Variants in VEZT observed in about 807,000 individuals in gnomAD.
VEZT encodes vezatin.
Under a neutral mutation model 79.9 loss-of-function variants are expected in VEZT, and 39 were observed. That is an observed-to-expected ratio of 0.49 (90% CI 0.38 to 0.64). The LOEUF (loss-of-function observed/expected upper bound fraction) is 0.64. VEZT is among the 30% of genes least tolerant of loss of function. The pLI is 0.00. For synonymous variants in VEZT, 325 were observed against 327.6 expected (o/e 0.99, Z 0.09); for missense variants, 837 against 893.1 (o/e 0.94, Z 0.80).
intron 6 of VEZT, among the ~76,000 whole-genome samples, chr12:95,273,957 G>C (rs1310703830): frequency 6.6e-6 from 1 of 152,176 alleles, no homozygotes; most frequent in East Asian, 1.9e-4. Context: ...CTGTAAGGAT[G>C]AGGGCAGAGG....
intron 6 of VEZT, among the ~76,000 whole-genome samples, chr12:95,274,355 A>G (rs1186809927): frequency 2.0e-5 from 3 of 152,110 alleles, no homozygotes; most frequent in Admixed American, 2.0e-4. Context: ...AATCCCAGCT[A>G]CTCGAGAGGC....
At chr12:95,298,276 G>T (rs546887044) in intron 11 of VEZT, among the ~76,000 whole-genome samples, 1 of 152,056 alleles carries the variant, frequency 6.6e-6, no homozygotes, top group South Asian at 2.1e-4. Context: ...TAACACTACA[G>T]ACCCTCACAC....
intron 1 of VEZT, among the ~76,000 whole-genome samples, chr12:95,233,159 A>G (rs2059505603): frequency 6.6e-6 from 1 of 151,534 alleles, no homozygotes; most frequent in Non-Finnish European, 1.5e-5. Context: ...TCATTTACTA[A>G]ATTCTCATGT....
At chr12:95,297,564 CT>C (rs1044731313) in intron 11 of VEZT, among the ~76,000 whole-genome samples, 3 of 152,206 alleles carry the variant, frequency 2.0e-5, no homozygotes, top group Admixed American at 2.0e-4. Context: ...ATTTTCAGTA[CT>C]TTTTTCTTCT....
At position 95,262,088 on chromosome 12, in the gene VEZT, C is replaced by T. The variant is rs149686446; in HGVS notation, c.259-818C>T. Among the ~76,000 whole-genome samples, 9 of 152,344 alleles carry T rather than the reference C, an allele frequency of 5.9e-5. No individual in the cohort carries two copies. The East Asian group carries it at 1.7e-3, about 29-fold the overall frequency. On this transcript the variant is annotated intron_variant, in intron 3 of 11. Transcript: ENST00000436874. Reference sequence around the variant, plus strand: ...CTCCTTTGTCTGGTCAATTTTTGTTCATCCTTTAAAACTTAGCTCAGGCTT... The same window carrying T: ...CTCCTTTGTCTGGTCAATTTTTGTTTATCCTTTAAAACTTAGCTCAGGCTT...
intron 11 of VEZT, among the ~76,000 whole-genome samples, chr12:95,297,581 A>G (rs530460796): frequency 2.7e-4 from 41 of 152,238 alleles, no homozygotes; most frequent in African/African-American, 8.7e-4. Context: ...CTTCTAAGCT[A>G]TCTTGCAAAC....
At chr12:95,254,688 T>G (rs1287050440) in intron 2 of VEZT, among the ~76,000 whole-genome samples, 1 of 152,096 alleles carries the variant, frequency 6.6e-6, no homozygotes, top group Non-Finnish European at 1.5e-5. Context: ...AGAAAACTTG[T>G]TGTATTGTTT....
chr12:95,238,180 C>A, intron 1 of VEZT, among the ~76,000 whole-genome samples: 1 of 152,072 alleles, frequency 6.6e-6, no homozygotes, highest in East Asian at 1.9e-4. Flanking sequence ...AAAGTATGGG[C>A]TTTGGAATCA....
At chr12:95,243,215 A>T (rs192121991) in intron 1 of VEZT, among the ~76,000 whole-genome samples, 4 of 152,020 alleles carry the variant, frequency 2.6e-5, no homozygotes, top group Admixed American at 2.0e-4. Flanking sequence ...CACTACCAAA[A>T]ATACAAAAAG....
chr12:95,233,767 A>G (rs899898258), intron 1 of VEZT, among the ~76,000 whole-genome samples: 4 of 151,882 alleles, frequency 2.6e-5, no homozygotes, highest in Non-Finnish European at 4.4e-5. Flanking sequence ...GTGTATGTGT[A>G]TATATATATA....
chr12:95,297,128 C>A (rs1425922409), intron 11 of VEZT, among the ~76,000 whole-genome samples: 1 of 152,170 alleles, frequency 6.6e-6, no homozygotes, highest in Non-Finnish European at 1.5e-5. Flanking sequence ...AATACAAAAG[C>A]CTTACATTCC....
intron 1 of VEZT, among the ~76,000 whole-genome samples, chr12:95,250,172 G>A (rs1014755502): frequency 2.1e-5 from 3 of 145,586 alleles, no homozygotes; most frequent in Admixed American, 6.8e-5. Context: ...CCATTAACTC[G>A]TCATTTAGCA....
rs796697021 is a variant in VEZT, at chr12:95,236,071, C to T, written c.37-15869C>T. On this transcript the variant is annotated intron_variant, in intron 1 of 11. Coordinates refer to ENST00000436874, the MANE Select transcript of VEZT (RefSeq NM_017599.4). ...CGGCACTTTGGGAGGCCAAGGCAGG[C>T]GGCTGGGAGGTGGAGGTTGTAGCGA... Among the ~76,000 whole-genome samples, 206 of 152,212 alleles carry T rather than the reference C, an allele frequency of 1.4e-3. 1 individual carries two copies. Among genetic ancestry groups the T allele is most frequent in the African/African-American group, 4.7e-3 (195 of 41,540 alleles).
chr12:95,240,066 AAGG>A (rs761489493), intron 1 of VEZT, among the ~76,000 whole-genome samples: 1,904 of 127,586 alleles, frequency 0.015, 60 homozygotes, highest in African/African-American at 0.046. Flanking sequence ...GGAAGGAAGG[AAGG>A]AAGGAAGAAA....
rs372963849 is a variant in VEZT, at chr12:95,240,021, A to AAAGGAAGGAAGGAAGG, written c.37-11879_37-11864dup. The stretch of plus-strand genomic sequence containing the variant: ...GAGACAGAGAGAGAAAGAGAGAAAG[A>AAAGGAAGGAAGGAAGG]AAGGAAGGAAGGAAGGAAGGAAGGA... On this transcript the variant is annotated intron_variant, in intron 1 of 11. Transcript: ENST00000436874. Among the ~76,000 whole-genome samples the AAAGGAAGGAAGGAAGG allele has an allele frequency of 1.4e-3, 116 of 81,450 alleles. 1 individual carries two copies. The highest frequency in any genetic ancestry group is 6.9e-3 in the South Asian group (16 of 2,328). 53.4% of individuals were successfully genotyped at this position (81,450 alleles called of 152,430 possible).
chr12:95,267,056 C>T (rs929004880), intron 5 of VEZT, among the ~76,000 whole-genome samples: 1 of 152,148 alleles, frequency 6.6e-6, no homozygotes, highest in African/African-American at 2.4e-5. Flanking sequence ...GTACTAATAA[C>T]TGTTCAGGTA....
At chr12:95,257,086 GA>G in intron 2 of VEZT, 63 bp from the exon 3 acceptor site, 1 of 1,330,184 alleles carries the variant, frequency 7.5e-7, no homozygotes, top group South Asian at 1.4e-5. Context: ...TAAGTACTTT[GA>G]AGTTTTTCTG....
intron 3 of VEZT, among the ~76,000 whole-genome samples, chr12:95,261,929 C>T (rs999775260): frequency 2.0e-5 from 3 of 152,200 alleles, no homozygotes; most frequent in African/African-American, 7.2e-5. Context: ...TCTGCCCTAA[C>T]AGTGCTACCT....
intron 3 of VEZT, among the ~76,000 whole-genome samples, chr12:95,260,594 C>T (rs1339785700): frequency 1.3e-5 from 2 of 152,152 alleles, no homozygotes; most frequent in Non-Finnish European, 2.9e-5. Context: ...ATATTACTGG[C>T]TTTTCCACTC....
Sources: gnomAD v4.1 joint callset for allele counts (sites outside exome capture counted in the v4.1 genomes callset) on GRCh38, gnomAD v4.1.1 for gene constraint, MANE v1.5 for transcripts, NCBI Gene and HGNC (gene_info 2026-07-23, HGNC 2026-07-21) for gene names.